EDNRA: variants seen among roughly 807,000 people sequenced by gnomAD.
EDNRA encodes the protein endothelin receptor type A, also known as endothelin-1 receptor.
EDNRA carries 11 observed loss-of-function variants against 41.4 expected under a neutral mutation model. The observed-to-expected ratio is 0.27, with a 90% CI of 0.17 to 0.44. EDNRA has a LOEUF of 0.44. Among genes scored for constraint, EDNRA ranks in the 20% least tolerant of loss-of-function variants. EDNRA has a pLI of 1.00. For missense variants in EDNRA, 294 were observed against 531.0 expected, an observed-to-expected ratio of 0.55 and a Z score of 4.39; for synonymous variants, 172 against 183.0, an observed-to-expected ratio of 0.94 and a Z score of 0.49.
intron 2 of EDNRA, among the ~76,000 whole-genome samples, chr4:147,502,255 A>G (rs532831034): frequency 6.6e-6 from 1 of 152,370 alleles, no homozygotes; most frequent in South Asian, 2.1e-4. Context: ...AGAAAGTATC[A>G]TAGAAAATTA....
intron 1 of EDNRA, among the ~76,000 whole-genome samples, chr4:147,484,016 C>A (rs1371782543): frequency 6.6e-6 from 1 of 152,148 alleles, no homozygotes; most frequent in Non-Finnish European, 1.5e-5. Flanking sequence ...CCACCACACC[C>A]AACCAGGACT....
chr4:147,505,630 C>T (rs111261715), intron 2 of EDNRA, among the ~76,000 whole-genome samples: 1,908 of 149,488 alleles, frequency 0.013, 46 homozygotes, highest in African/African-American at 0.045. Context: ...GCGTAAGCCA[C>T]CCTGCCCCGC....
rs1236993316 is a variant in EDNRA, at chr4:147,542,596, G to A, written c.1262G>A (p.Ser421Asn). ...DQNNHNTDRS[S>N]HKDSMN is the part of the protein sequence containing the mutation. The stretch of plus-strand genomic sequence containing the variant: ...AACAACCACAACACAGACCGGAGCA[G>A]CCATAAGGACAGCATGAACTGACCA... The change falls in exon 8 of 8, where the codon AGC becomes AAC. Residue 421 changes from serine to asparagine, a missense_variant. Physicochemically the swap from Ser to Asn is conservative, Grantham distance 46 (BLOSUM62 1). Coordinates refer to ENST00000651419, the MANE Select transcript of EDNRA (RefSeq NM_001957.4). 2 of 1,614,070 alleles carry A rather than the reference G, an allele frequency of 1.2e-6. No homozygotes were observed. The highest frequency in any genetic ancestry group is 3.3e-5 in the Admixed American group (2 of 60,018).
intron 2 of EDNRA, among the ~76,000 whole-genome samples, chr4:147,514,212 G>C (rs1730020639): frequency 6.6e-6 from 1 of 152,122 alleles, no homozygotes; most frequent in African/African-American, 2.4e-5. Context: ...TTACAACGGG[G>C]AACTGGCTTA....
intron 2 of EDNRA, among the ~76,000 whole-genome samples, chr4:147,503,786 C>T (rs1044920783): frequency 5.9e-5 from 9 of 152,110 alleles, no homozygotes; most frequent in African/African-American, 1.9e-4. Flanking sequence ...CCTTTATACT[C>T]GGAAAAATCA....
At position 147,542,850 on chromosome 4, in the gene EDNRA, G is replaced by A. The variant is rs1373324994; in HGVS notation, c.*232G>A. ...TTACATATTCTGCGTGTTGTATTCAGCACTAAAAAATGGTGGGAGCTGGGG... is the reference window on the plus strand; with the variant it reads ...TTACATATTCTGCGTGTTGTATTCAACACTAAAAAATGGTGGGAGCTGGGG... On this transcript the variant is annotated 3_prime_UTR_variant, in exon 8 of 8. Transcript: ENST00000651419. 1 of 433,176 alleles carries A rather than the reference G, an allele frequency of 2.3e-6. No homozygotes were observed. Among genetic ancestry groups the A allele is most frequent in the Non-Finnish European group, 4.0e-6 (1 of 251,450 alleles). 26.8% of individuals were successfully genotyped at this position (433,176 alleles called of 1,614,324 possible).
chr4:147,542,139 A>G (rs1731124489), intron 7 of EDNRA, among the ~76,000 whole-genome samples: 1 of 152,186 alleles, frequency 6.6e-6, no homozygotes, highest in Non-Finnish European at 1.5e-5. Context: ...CAGGTGGTGC[A>G]CACTGAAGAA....
chr4:147,542,424 G>A lies in EDNRA; in HGVS notation c.1144-54G>A, dbSNP rs1178235718. The A allele has an allele frequency of 1.9e-6, 3 of 1,610,210 alleles. No individual in the cohort carries two copies. The African/African-American group carries it at 4.0e-5, about 21-fold the overall frequency. ...AGCATGGCCCAGGGCCGCTGTGTTT[G>A]GCCGGGAATGGGCTGGTAGGCTCGC... On this transcript the variant is annotated intron_variant, in intron 7 of 7. Coordinates refer to ENST00000651419, the MANE Select transcript of EDNRA (RefSeq NM_001957.4).
rs896458491 is a variant in EDNRA, at chr4:147,486,719, C to T, written c.420+618C>T. 2.0e-5 allele frequency among the ~76,000 whole-genome samples: 3 copies of T among 152,102 alleles called. No homozygotes were observed. The South Asian group carries it at 6.2e-4, about 32-fold the overall frequency. On this transcript the variant is annotated intron_variant, in intron 2 of 7. Coordinates refer to ENST00000651419, the MANE Select transcript of EDNRA (RefSeq NM_001957.4). This position sits in a 1 kb window ranked among gnomAD's most constrained non-coding sequence, Gnocchi z 4.3. ...ACTAACTAATACCACTTAAAATTTGCCTGCTTTACTGTGGTCTCCTTCATT... is the reference window on the plus strand; with the variant it reads ...ACTAACTAATACCACTTAAAATTTGTCTGCTTTACTGTGGTCTCCTTCATT...
chr4:147,535,718 G>A (rs1467548038), intron 4 of EDNRA, among the ~76,000 whole-genome samples, 159 bp from the exon 5 acceptor site: 2 of 152,082 alleles, frequency 1.3e-5, no homozygotes, highest in Non-Finnish European at 2.9e-5. Context: ...ACTGAATTGA[G>A]TTTTGAGCCC....
intron 3 of EDNRA, among the ~76,000 whole-genome samples, chr4:147,529,497 C>T (rs902417252): frequency 1.3e-5 from 2 of 152,022 alleles, no homozygotes; most frequent in Non-Finnish European, 2.9e-5. Context: ...GTGGAGAAAG[C>T]GGGGTCCAGC....
chr4:147,532,063 A>G (rs1730761299), intron 3 of EDNRA, among the ~76,000 whole-genome samples: 2 of 149,276 alleles, frequency 1.3e-5, no homozygotes, highest in South Asian at 4.2e-4. Flanking sequence ...CTGTAATCCC[A>G]GCACTTTGGG....
At chr4:147,500,192 T>A (rs1442905377) in intron 2 of EDNRA, among the ~76,000 whole-genome samples, 1 of 152,140 alleles carries the variant, frequency 6.6e-6, no homozygotes, top group East Asian at 1.9e-4. Context: ...GAAGGACCAA[T>A]TGAATTACAA....
intron 1 of EDNRA, among the ~76,000 whole-genome samples, chr4:147,483,017 C>T (rs1161303499): frequency 6.6e-6 from 1 of 152,182 alleles, no homozygotes. Flanking sequence ...AGTCACGAAA[C>T]AGCACAAGAT....
At position 147,535,595 on chromosome 4, in the gene EDNRA, G is replaced by A. The variant is rs1205323487; in HGVS notation, c.748-282G>A. ...TTATTGATTAGGGCTCTTCCGTTGT[G>A]TAGTTGAAACCTTCAATCTATGAAA... On this transcript the variant is annotated intron_variant, in intron 4 of 7. Transcript: ENST00000651419. 2.0e-5 allele frequency among the ~76,000 whole-genome samples: 3 copies of A among 152,192 alleles called. No individual in the cohort carries two copies. The East Asian group carries it at 5.8e-4, about 29-fold the overall frequency.
intron 3 of EDNRA, among the ~76,000 whole-genome samples, chr4:147,530,729 T>G (rs1489106750): frequency 6.6e-6 from 1 of 152,150 alleles, no homozygotes; most frequent in African/African-American, 2.4e-5. Context: ...ACTGTGTAAA[T>G]GTACTGAGAC....
At chr4:147,540,058 A>C in intron 6 of EDNRA, 108 bp downstream of exon 6, 2 of 1,442,440 alleles carry the variant, frequency 1.4e-6, no homozygotes, top group Non-Finnish European at 1.9e-6. Flanking sequence ...TGAAAATTAA[A>C]ACTGCAAAGT....
chr4:147,485,764 C>T lies in EDNRA; in HGVS notation c.83C>T (p.Thr28Ile). Residue 28 changes from threonine to isoleucine, a missense_variant, in exon 2 of 8, where the codon ACA becomes ATA. Thr to Ile is a moderately conservative substitution (Grantham distance 89). This residue lies in a region of EDNRA where 90 missense variants were observed against 122.8 expected (regional missense o/e 0.73). Coordinates refer to ENST00000651419, the MANE Select transcript of EDNRA (RefSeq NM_001957.4). ...VISDNPERYS[T>I]NLSNHVDDFT... ...AGTGATAATCCTGAGAGATACAGCACAAATCTAAGCAATCATGTGGATGAT... is the reference window on the plus strand; with the variant it reads ...AGTGATAATCCTGAGAGATACAGCATAAATCTAAGCAATCATGTGGATGAT... 3.7e-6 allele frequency: 6 copies of T among 1,614,204 alleles called. No homozygotes were observed. Among genetic ancestry groups the T allele is most frequent in the Non-Finnish European group, 5.1e-6 (6 of 1,180,048 alleles).
intron 2 of EDNRA, among the ~76,000 whole-genome samples, chr4:147,510,458 G>A (rs985482072): frequency 3.9e-5 from 6 of 152,054 alleles, no homozygotes; most frequent in Admixed American, 2.0e-4. Flanking sequence ...ATTTCCAAAT[G>A]ACCATAAGAC....
Sources: allele counts gnomAD v4.1 joint callset (sites outside exome capture counted in the v4.1 genomes callset), GRCh38; gene constraint gnomAD v4.1.1; regional missense constraint gnomAD v4.1.1; non-coding constraint Gnocchi (gnomAD v3.1); transcripts MANE v1.5; gene names NCBI Gene and HGNC (gene_info 2026-07-23, HGNC 2026-07-21).